The following KRT10 variants were observed in gnomAD, a reference collection of about 807,000 sequenced individuals.
KRT10 encodes keratin 10, also known as keratin, type I cytoskeletal 10.
A neutral mutation model predicts 59.2 loss-of-function variants in KRT10; 40 were observed. The ratio of observed to expected loss-of-function variants is 0.68; its 90% confidence interval spans 0.52 to 0.88. KRT10 has a LOEUF of 0.88. KRT10 is among the 40% of genes least tolerant of loss of function. The pLI, the probability that KRT10 is intolerant of heterozygous loss-of-function variation, is 0.00. For missense variants in KRT10, 719 were observed against 749.1 expected (o/e 0.96, Z 0.47); for synonymous variants, 336 against 310.7 (o/e 1.08, Z -0.86).
chr17:40,819,961 CT>C, intron 5 of KRT10, 87 bp downstream of exon 5: 2 of 1,496,084 alleles, frequency 1.3e-6, no homozygotes, highest in Non-Finnish European at 1.9e-6. Flanking sequence ...ACCTCCAACT[CT>C]GCATTTTTTT....
chr17:40,820,779 T>C (rs1905338414), intron 2 of KRT10, 112 bp from the exon 3 acceptor site: 1 of 1,208,340 alleles, frequency 8.3e-7, no homozygotes, highest in Admixed American at 1.9e-5. Flanking sequence ...TGGCAATATT[T>C]GTCATGTACA....
chr17:40,821,076 C>A lies in KRT10; in HGVS notation c.669G>T (p.Gln223His). 6.2e-7 allele frequency: 1 copy of A among 1,614,070 alleles called. No homozygotes were observed. Residue 223 changes from glutamine (Q) to histidine (H), a missense_variant, in exon 2 of 8, where the codon CAG becomes CAT. This residue lies in a region of KRT10 where 221 missense variants were observed against 277.8 expected (regional missense o/e 0.80). Coordinates refer to ENST00000269576, the MANE Select transcript of KRT10 (RefSeq NM_000421.5). ...CAGCTGCCAGCCTGGCATTGTCGAT[C>A]TGAAGCAGGATGTTGGCATTATCAG... ...LTTDNANILLQIDNARLAADD... is the reference protein window; with the variant it reads ...LTTDNANILLHIDNARLAADD...
intron 1 of KRT10, among the ~76,000 whole-genome samples, 191 bp from the exon 2 acceptor site, chr17:40,821,308 C>T (rs1353835586): frequency 6.6e-6 from 1 of 152,184 alleles, no homozygotes; most frequent in Admixed American, 6.5e-5. Context: ...TGGAATTTCT[C>T]CAGTCTTGTA....
chr17:40,819,405 C>T lies in KRT10; in HGVS notation c.1373+112G>A, dbSNP rs181194018. 4.7e-5 allele frequency: 60 copies of T among 1,289,006 alleles called. No homozygotes were observed. The African/African-American group carries it at 8.4e-4, about 18-fold the overall frequency. 79.8% of individuals were successfully genotyped at this position (1,289,006 alleles called of 1,614,324 possible). A position where few individuals can be genotyped will look rare whatever the true frequency, so the allele number is the denominator to read the frequency against. ...CGTACTCCTTTTTCTGTACTCTACC[C>T]TCTCTCCTCCCTTCCTCTCATTCTC... On this transcript the variant is annotated intron_variant, in intron 6 of 7. Transcript: ENST00000269576.
At chr17:40,820,468 A>G (rs952965606) in intron 3 of KRT10, 43 bp downstream of exon 3, 2 of 1,614,076 alleles carry the variant, frequency 1.2e-6, no homozygotes, top group Admixed American at 1.7e-5. Context: ...GAGGACCATA[A>G]TGAACTCTCT....
In KRT10 at chr17:40,820,636, C is replaced by T. The variant is rs201691005; in HGVS notation, c.742G>A (p.Val248Met). 4.2e-5 allele frequency: 67 copies of T among 1,614,094 alleles called. No individual in the cohort carries two copies. The Admixed American group carries it at 6.2e-4, about 15-fold the overall frequency. Residue 248 changes from valine to methionine, a missense_variant, in exon 3 of 8, where the codon GTG becomes ATG. Val to Met is a conservative substitution (Grantham distance 21, BLOSUM62 1). Coordinates refer to ENST00000269576, the MANE Select transcript of KRT10 (RefSeq NM_000421.5). ...CGCAGGCCGTTGATGTCAGCCTCCA[C>T]GCTCTGGCGCAGAGCTACCTCATTC... ...YENEVALRQS[V>M]EADINGLRRV...
chr17:40,818,889 C>T lies in KRT10; in HGVS notation c.1646G>A (p.Gly549Asp), dbSNP rs760637749. ...GGGYGGGSSG[G>D]GSSSGGGYGG... ...GTATCCGCCGCCGGAGCTGCTGCCGCCGCCGGAGCTGCCGCCCCCGTAGCC... is the reference window on the plus strand; with the variant it reads ...GTATCCGCCGCCGGAGCTGCTGCCGTCGCCGGAGCTGCCGCCCCCGTAGCC... The change falls in exon 7 of 8, where the codon GGC (glycine) becomes GAC (aspartate). Residue 549 changes from glycine to aspartate, a missense_variant. Gly to Asp is a moderately conservative substitution (Grantham distance 94). Around this residue, in one of 4 missense-constraint regions of KRT10, gnomAD observed 315 missense variants for 270.6 expected, o/e 1.16. Transcript: ENST00000269576. 1 of 1,499,794 alleles carries T rather than the reference C, an allele frequency of 6.7e-7. No individual in the cohort carries two copies. The highest frequency in any genetic ancestry group is 1.5e-5 in the African/African-American group (1 of 68,594). 92.9% of individuals were successfully genotyped at this position (1,499,794 alleles called of 1,614,324 possible).
chr17:40,822,346 A>G lies in KRT10; in HGVS notation c.240T>C (p.Phe80=). Reference sequence around the variant, plus strand: ...AGCTTCCACGAAAGCTACCTCCACCAAAACCTCCTAATCCTCCATAGCCAC... The same window carrying G: ...AGCTTCCACGAAAGCTACCTCCACCGAAACCTCCTAATCCTCCATAGCCAC... The part of the protein sequence containing the change: ...SSGGYGGLGG[F]GGGSFRGSYG... The change falls in exon 1 of 8, where the codon TTT becomes TTC. Residue 80 remains phenylalanine (F), a synonymous_variant. Coordinates refer to ENST00000269576, the MANE Select transcript of KRT10 (RefSeq NM_000421.5). 6 of 1,598,148 alleles carry G rather than the reference A, an allele frequency of 3.8e-6. No individual in the cohort carries two copies. Among genetic ancestry groups the G allele is most frequent in the Non-Finnish European group, 4.3e-6 (5 of 1,171,472 alleles).
chr17:40,819,570 G>A lies in KRT10; in HGVS notation c.1320C>T (p.Ile440=). The A allele has an allele frequency of 6.2e-7, 1 of 1,614,164 alleles. No individual in the cohort carries two copies. The highest frequency in any genetic ancestry group is 1.1e-5 in the South Asian group (1 of 91,088). Residue 440 remains isoleucine, a synonymous_variant, in exon 6 of 8, where the codon ATC becomes ATT. Transcript: ENST00000269576. ...TEYQQLLDIK[I]RLENEIQTYR... ...AGGTTTGAATTTCATTCTCCAGTCG[G>A]ATCTTAATATCCAGGAGTTGTTGGT...
intron 2 of KRT10, 26 bp from the exon 3 acceptor site, chr17:40,820,693 G>C (rs754439176): frequency 8.1e-6 from 13 of 1,613,088 alleles, no homozygotes; most frequent in Middle Eastern, 3.3e-4. Context: ...TATCAATACT[G>C]GTTATAACTT....
chr17:40,819,824 A>C, intron 5 of KRT10, 90 bp from the exon 6 acceptor site: 1 of 1,230,058 alleles, frequency 8.1e-7, no homozygotes, highest in Non-Finnish European at 1.2e-6. Context: ...CATTATATAG[A>C]AGAATAAGAA....
chr17:40,821,949 T>C lies in KRT10; in HGVS notation c.627+10A>G. 6.2e-7 allele frequency: 1 copy of C among 1,613,818 alleles called. No individual in the cohort carries two copies. Among genetic ancestry groups the C allele is most frequent in the South Asian group, 1.1e-5 (1 of 91,074 alleles). On this transcript the variant is annotated intron_variant, in intron 1 of 7. Coordinates refer to ENST00000269576, the MANE Select transcript of KRT10 (RefSeq NM_000421.5). ...AGATACTTAAAGCTGGATTTAAAAA[T>C]ACCTCTTACCTGATTTTTAAGGTCA...
chr17:40,822,513 ATCCTCCTCCTCC>A lies in KRT10; in HGVS notation c.61_72del (p.Gly21_Gly24del), dbSNP rs148510452. 1.1e-5 allele frequency: 17 copies of A among 1,593,264 alleles called. No homozygotes were observed. The highest frequency in any genetic ancestry group is 1.3e-5 in the Non-Finnish European group (15 of 1,169,042). ...GATGACACTCCTCCTCCTCCTCCAC[ATCCTCCTCCTCC>A]TCCTCCTCCTCCACTGCGGGAGGAA... On this transcript the variant is annotated inframe_deletion, in exon 1 of 8. Coordinates refer to ENST00000269576, the MANE Select transcript of KRT10 (RefSeq NM_000421.5).
In KRT10 at chr17:40,818,895, G is replaced by GCCGCCGGAGCTGCTGCCGCCGCCGC. The variant is rs1905181650; in HGVS notation, c.1639_1640insGCGGCGGCGGCAGCAGCTCCGGCGG (p.Ser547CysfsTer42). 2 of 1,270,126 alleles carry GCCGCCGGAGCTGCTGCCGCCGCCGC rather than the reference G, an allele frequency of 1.6e-6. No homozygotes were observed. The highest frequency in any genetic ancestry group is 2.7e-5 in the African/African-American group (1 of 36,892). The allele number at this position is 1,270,126 out of a possible 1,614,324, so 78.7% of individuals were successfully genotyped here. A position where few individuals can be genotyped will look rare whatever the true frequency, so the allele number is the denominator to read the frequency against. The stretch of plus-strand genomic sequence containing the variant: ...GCCGCCGGAGCTGCTGCCGCCGCCG[G>GCCGCCGGAGCTGCTGCCGCCGCCGC]AGCTGCCGCCCCCGTAGCCGCCGCC... On this transcript the variant is annotated frameshift_variant, in exon 7 of 8. Coordinates refer to ENST00000269576, the MANE Select transcript of KRT10 (RefSeq NM_000421.5). LOFTEE classifies it high-confidence loss of function.
chr17:40,820,036 A>C lies in KRT10; in HGVS notation c.1155+13T>G. 1.2e-6 allele frequency: 2 copies of C among 1,612,236 alleles called. No homozygotes were observed. Among genetic ancestry groups the C allele is most frequent in the African/African-American group, 2.7e-5 (2 of 75,000 alleles). On this transcript the variant is annotated intron_variant, in intron 5 of 7. Transcript: ENST00000269576. The stretch of plus-strand genomic sequence containing the variant: ...ATGATAAAGTTGAAGTCATTTCATG[A>C]GAGTTAACATACCAAGGCCAGTTGG...
In KRT10 at chr17:40,818,798, A is replaced by G; in HGVS notation, c.1737T>C (p.Ser579=). ...TAGTTTCTGCTGACCTTGGTCCCTTAGATGAAGACTCGCCCACGGACCCGG... is the reference window on the plus strand; with the variant it reads ...TAGTTTCTGCTGACCTTGGTCCCTTGGATGAAGACTCGCCCACGGACCCGG... ...SSSGSVGESS[S]KGPRY The change falls in exon 7 of 8, where the codon TCT becomes TCC. Residue 579 remains serine (S), a synonymous_variant. Coordinates refer to ENST00000269576, the MANE Select transcript of KRT10 (RefSeq NM_000421.5). 2.6e-6 allele frequency: 4 copies of G among 1,532,940 alleles called. No homozygotes were observed. The highest frequency in any genetic ancestry group is 3.5e-6 in the Non-Finnish European group (4 of 1,150,106). The allele number at this position is 1,532,940 out of a possible 1,614,324, so 95.0% of individuals were successfully genotyped here.
In KRT10 at chr17:40,821,101, G is replaced by A; in HGVS notation, c.644C>T (p.Thr215Ile). The part of the protein sequence containing the change: ...DLKNQILNLT[T>I]DNANILLQID... ...CTGAAGCAGGATGTTGGCATTATCA[G>A]TTGTTAGGTTGAGAATCTGGAGGGA... Residue 215 changes from threonine (T) to isoleucine (I), a missense_variant, in exon 2 of 8, where the codon ACT (threonine) becomes ATT (isoleucine). Transcript: ENST00000269576. 2 of 1,613,754 alleles carry A rather than the reference G, an allele frequency of 1.2e-6. No homozygotes were observed. Among genetic ancestry groups the A allele is most frequent in the Non-Finnish European group, 1.7e-6 (2 of 1,179,658 alleles).
rs2143138053 is a variant in KRT10 at position 40,820,090 on chromosome 17, C to T, written c.1114G>A (p.Val372Ile). The T allele has an allele frequency of 6.2e-7, 1 of 1,613,482 alleles. No individual in the cohort carries two copies. Among genetic ancestry groups the T allele is most frequent in the Non-Finnish European group, 8.5e-7 (1 of 1,179,876 alleles). The change falls in exon 5 of 8, where the codon GTA becomes ATA. Residue 372 changes from valine to isoleucine, a missense_variant. Transcript: ENST00000269576. ...TGTAGTTCTATCTCCAGAGCTTGTA[C>T]ATTACGTCTCAATTCAGTAATCTCA... is the stretch of plus-strand genomic sequence containing the variant. ...KSEITELRRN[V>I]QALEIELQSQ...
rs558183226 is a variant in KRT10 at position 40,820,277 on chromosome 17, G to C, written c.1014C>G (p.Ala338=). ...LAEQNRKDAE[A]WFNEKSKELT... Reference sequence around the variant, plus strand: ...ATTACTTTACCTTTTCATTGAACCAGGCTTCAGCATCTTTGCGGTTTTGTT... The same window carrying C: ...ATTACTTTACCTTTTCATTGAACCACGCTTCAGCATCTTTGCGGTTTTGTT... The change falls in exon 4 of 8, where the codon GCC becomes GCG. Residue 338 remains alanine (A), a synonymous_variant. Transcript: ENST00000269576. 6.2e-7 allele frequency: 1 copy of C among 1,614,184 alleles called. No individual in the cohort carries two copies. Among genetic ancestry groups the C allele is most frequent in the South Asian group, 1.1e-5 (1 of 91,086 alleles).
Sources: gnomAD v4.1 joint callset for allele counts (sites outside exome capture counted in the v4.1 genomes callset) on GRCh38, gnomAD v4.1.1 for gene constraint, gnomAD v4.1.1 regional missense constraint, MANE v1.5 for transcripts, NCBI Gene and HGNC (gene_info 2026-07-23, HGNC 2026-07-21) for gene names.